Variants in SMYD3 observed in about 807,000 individuals in gnomAD.
The protein encoded by SMYD3 is histone-lysine N-methyltransferase SMYD3.
In SMYD3, 36 loss-of-function variants were observed where a neutral mutation model predicts 57.7. The observed-to-expected ratio is 0.62, with a 90% confidence interval of 0.48 to 0.82. The LOEUF (loss-of-function observed/expected upper bound fraction) is 0.82, where lower values mean the gene tolerates loss of function less well. Among genes scored for constraint, SMYD3 ranks in the 40% least tolerant of loss-of-function variants. The pLI, the probability that SMYD3 is intolerant of heterozygous loss-of-function variation, is 0.00. For synonymous variants in SMYD3, 211 were observed against 195.0 expected (o/e 1.08, Z -0.68); for missense variants, 515 against 538.8 (o/e 0.96, Z 0.44).
chr1:246,427,184 T>C (rs12087249), intron 1 of SMYD3, among the ~76,000 whole-genome samples: 7,553 of 152,276 alleles, frequency 0.05, 656 homozygotes, highest in African/African-American at 0.17. Context: ...TCTGACATAT[T>C]TCTGGTCACA....
chr1:246,305,116 A>G (rs769173400), intron 5 of SMYD3, among the ~76,000 whole-genome samples: 1 of 152,262 alleles, frequency 6.6e-6, no homozygotes, highest in African/African-American at 2.4e-5. Context: ...TGAGGTTGCC[A>G]TAAGCTTACA....
rs147073451 is a variant in SMYD3 at position 246,190,264 on chromosome 1, G to A, written c.531+136937C>T. On this transcript the variant is annotated intron_variant, in intron 5 of 11. Transcript: ENST00000490107. ...TAAAGCACCACACACAGACCGTAGCGTATACTTAAGAGTTTTATTTCAGCA... is the reference window on the plus strand; with the variant it reads ...TAAAGCACCACACACAGACCGTAGCATATACTTAAGAGTTTTATTTCAGCA... 3.6e-3 allele frequency among the ~76,000 whole-genome samples: 542 copies of A among 152,256 alleles called. 3 individuals carry two copies. Among genetic ancestry groups the A allele is most frequent in the Non-Finnish European group, 5.9e-3 (402 of 68,016 alleles).
chr1:246,074,650 G>C (rs573935024), intron 5 of SMYD3, among the ~76,000 whole-genome samples: 2 of 152,208 alleles, frequency 1.3e-5, no homozygotes, highest in African/African-American at 4.8e-5. Context: ...GTGCCAGCTG[G>C]GGCAACTGCA....
chr1:246,286,081 A>C (rs1019882127), intron 5 of SMYD3, among the ~76,000 whole-genome samples: 1 of 152,194 alleles, frequency 6.6e-6, no homozygotes, highest in Non-Finnish European at 1.5e-5. Context: ...AACAGTGTGG[A>C]GATTCCTTAA....
chr1:245,874,851 C>T (rs2052403950), intron 8 of SMYD3, among the ~76,000 whole-genome samples: 3 of 152,220 alleles, frequency 2.0e-5, no homozygotes. Context: ...GAGGGTGGGT[C>T]ACCCCAGAGG....
At chr1:246,126,090 G>A (rs571797914) in intron 5 of SMYD3, among the ~76,000 whole-genome samples, 15 of 152,298 alleles carry the variant, frequency 9.8e-5, no homozygotes, top group African/African-American at 3.6e-4. Context: ...GCACTAAGAA[G>A]CATTACTTAC....
Position 245,913,661 on chromosome 1 carries a change from G to A in SMYD3, c.813+1869C>T, listed in dbSNP as rs144494401. 2.9e-3 allele frequency among the ~76,000 whole-genome samples: 430 copies of A among 146,650 alleles called. 2 individuals are homozygous for A. The highest frequency in any genetic ancestry group is 0.01 in the African/African-American group (414 of 40,288). ...AACCAAAATGCTTCTGCAGAGCAAA[G>A]GAAACACTCAACAGAGTGAAGAGAC... is the stretch of plus-strand genomic sequence containing the variant. On this transcript the variant is annotated intron_variant, in intron 8 of 11. Transcript: ENST00000490107.
chr1:245,786,077 T>TC (rs2047027249), intron 10 of SMYD3, among the ~76,000 whole-genome samples: 1 of 38,764 alleles, frequency 2.6e-5, no homozygotes, highest in South Asian at 1.1e-3. Context: ...GAAGTTTTGC[T>TC]TTTTTTTTTT....
chr1:246,384,393 GA>G (rs2066435613), intron 1 of SMYD3, among the ~76,000 whole-genome samples: 2 of 151,936 alleles, frequency 1.3e-5, no homozygotes, highest in South Asian at 4.2e-4. Context: ...ATTATATTTA[GA>G]AACAGAATTT....
At chr1:246,031,543 C>G (rs1156654958) in intron 5 of SMYD3, among the ~76,000 whole-genome samples, 1 of 152,102 alleles carries the variant, frequency 6.6e-6, no homozygotes, top group African/African-American at 2.4e-5. Flanking sequence ...CAAAACCATC[C>G]TGGCTAACGT....
intron 5 of SMYD3, among the ~76,000 whole-genome samples, chr1:246,089,809 A>G (rs1359659811): frequency 6.6e-6 from 1 of 151,684 alleles, no homozygotes; most frequent in Non-Finnish European, 1.5e-5. Context: ...AGCCACTCAC[A>G]TGTTTTCTCG....
chr1:245,876,039 A>T (rs1234709089), intron 8 of SMYD3, among the ~76,000 whole-genome samples: 1 of 152,196 alleles, frequency 6.6e-6, no homozygotes, highest in Non-Finnish European at 1.5e-5. Context: ...TAAAATATGT[A>T]TCAGAGGCTT....
intron 5 of SMYD3, among the ~76,000 whole-genome samples, chr1:246,273,713 T>C (rs2064275588): frequency 6.6e-6 from 1 of 151,096 alleles, no homozygotes; most frequent in Non-Finnish European, 1.5e-5. Flanking sequence ...GCCTCCTGAG[T>C]AGCTGGAATT....
At chr1:246,459,918 CAAAAAAAAAA>C (rs35958617) in intron 1 of SMYD3, among the ~76,000 whole-genome samples, 2 of 88,934 alleles carry the variant, frequency 2.2e-5, no homozygotes, top group Non-Finnish European at 4.3e-5. Context: ...TTCCGCCACC[CAAAAAAAAAA>C]AAAAAAAAAA....
Position 246,355,847 on chromosome 1 carries a change from T to C in SMYD3, c.165-753A>G, listed in dbSNP as rs910314429. On this transcript the variant is annotated intron_variant, in intron 1 of 11. Coordinates refer to ENST00000490107, the MANE Select transcript of SMYD3 (RefSeq NM_001167740.2). The surrounding 1 kb of genome is among the most constrained non-coding windows in gnomAD (Gnocchi z 5.0). ...CACCTATCCCTGCCCCCTGGTGGTC[T>C]TTCTCTACCAGCCCTGGGTGCCAAA... Among the ~76,000 whole-genome samples the C allele has an allele frequency of 3.9e-5, 6 of 152,128 alleles. No homozygotes were observed. Among genetic ancestry groups the C allele is most frequent in the Non-Finnish European group, 8.8e-5 (6 of 68,016 alleles).
At chr1:246,140,737 C>A (rs929320400) in intron 5 of SMYD3, among the ~76,000 whole-genome samples, 2 of 152,092 alleles carry the variant, frequency 1.3e-5, no homozygotes, top group African/African-American at 4.8e-5. Context: ...CTCAGCCTCC[C>A]AAGTAGTAGG....
At chr1:245,853,426 T>A (rs2051076693) in intron 10 of SMYD3, among the ~76,000 whole-genome samples, 1 of 152,132 alleles carries the variant, frequency 6.6e-6, no homozygotes, top group African/African-American at 2.4e-5. Context: ...TGTGACGGCA[T>A]CGAACGCGCG....
intron 5 of SMYD3, among the ~76,000 whole-genome samples, chr1:246,208,206 T>C (rs1263375997): frequency 8.5e-5 from 13 of 152,134 alleles, no homozygotes; most frequent in Non-Finnish European, 5.9e-5. Flanking sequence ...ACAGAGGTCC[T>C]GCAAGAGCCA....
chr1:246,323,804 A>G (rs1438170081), intron 5 of SMYD3, among the ~76,000 whole-genome samples: 1 of 150,554 alleles, frequency 6.6e-6, no homozygotes, highest in Non-Finnish European at 1.5e-5. Flanking sequence ...TGTACTTGCT[A>G]AGCAAATTCA....
Sources: allele counts gnomAD v4.1 joint callset (sites outside exome capture counted in the v4.1 genomes callset), GRCh38; gene constraint gnomAD v4.1.1; non-coding constraint Gnocchi (gnomAD v3.1); transcripts MANE v1.5; gene names NCBI Gene and HGNC (gene_info 2026-07-23, HGNC 2026-07-21).